PTPRM: variants seen among roughly 807,000 people sequenced by gnomAD.
The protein encoded by PTPRM is receptor-type tyrosine-protein phosphatase mu.
Under a neutral mutation model 186.7 loss-of-function variants are expected in PTPRM, and 47 were observed. The observed-to-expected ratio is 0.25, with a 90% CI of 0.20 to 0.32. The LOEUF is 0.32. Among genes scored for constraint, PTPRM ranks in the 10% least tolerant of loss-of-function variants. The pLI, the probability that PTPRM is intolerant of heterozygous loss-of-function variation, is 1.00. For missense variants in PTPRM, 1,494 were observed against 1,865.0 expected, an observed-to-expected ratio of 0.80 and a Z score of 3.66; for synonymous variants, 668 against 674.9, an observed-to-expected ratio of 0.99 and a Z score of 0.16.
intron 2 of PTPRM, among the ~76,000 whole-genome samples, chr18:7,823,392 G>A (rs1056946773): frequency 6.6e-6 from 1 of 152,212 alleles, no homozygotes; most frequent in African/African-American, 2.4e-5. Flanking sequence ...ATGGACAGGG[G>A]TGCCCAGCAG....
chr18:8,320,028 G>T (rs2148070873), intron 22 of PTPRM, among the ~76,000 whole-genome samples: 1 of 152,298 alleles, frequency 6.6e-6, no homozygotes, highest in South Asian at 2.1e-4. Flanking sequence ...GGATGAGTCA[G>T]TGAGTCAATA....
chr18:8,220,450 T>C (rs12954218), intron 14 of PTPRM, among the ~76,000 whole-genome samples: 28,478 of 152,174 alleles, frequency 0.19, 2,707 homozygotes, highest in Non-Finnish European at 0.2. Context: ...GATTCATTTT[T>C]CTTTTGCTAT....
chr18:7,603,182 C>A (rs1323030633), intron 1 of PTPRM, among the ~76,000 whole-genome samples: 4 of 152,070 alleles, frequency 2.6e-5, no homozygotes, highest in African/African-American at 9.7e-5. Flanking sequence ...CCTGCCTTGG[C>A]CTCCCAAAGT....
rs1194538620 is a variant in PTPRM at position 8,387,224 on chromosome 18, T to C, written c.4197T>C (p.Val1399=). 2 of 1,613,714 alleles carry C rather than the reference T, an allele frequency of 1.2e-6. No individual in the cohort carries two copies. The highest frequency in any genetic ancestry group is 4.5e-5 in the East Asian group (2 of 44,872). The part of the protein sequence containing the change: ...EEYNGGEGRT[V]VHCLNGGGRS... ...ACAATGGCGGGGAAGGCCGCACGGT[T>C]GTGCACTGCTTGTAAGTGCTTGACA... The change falls in exon 31 of 33, where the codon GTT becomes GTC. Residue 1399 remains valine, a synonymous_variant. Transcript: ENST00000580170.
chr18:8,296,392 C>A lies in PTPRM; in HGVS notation c.2779C>A (p.Pro927Thr). ...YESFFEGQSA[P>T]WDSAKKDENR... ...GAGCTTCTTTGAAGGGCAGTCTGCA[C>A]CATGGGACTCGGCTAAGAAAGATGA... The change falls in exon 20 of 33, where the codon CCA becomes ACA. Residue 927 changes from proline to threonine, a missense_variant. Transcript: ENST00000580170. The A allele has an allele frequency of 6.2e-7, 1 of 1,610,888 alleles. No homozygotes were observed. The highest frequency in any genetic ancestry group is 8.5e-7 in the Non-Finnish European group (1 of 1,177,116).
chr18:8,406,402 C>G lies in PTPRM; in HGVS notation c.*240C>G. On this transcript the variant is annotated 3_prime_UTR_variant, in exon 33 of 33. Transcript: ENST00000580170. ...TGCCAAATCCCGTACTCCTTGCCAC[C>G]GGCTTCCTAGAGCAGCGTAGACAGC... 1.9e-6 allele frequency: 1 copy of G among 516,750 alleles called. No homozygotes were observed. Among genetic ancestry groups the G allele is most frequent in the Non-Finnish European group, 3.4e-6 (1 of 290,204 alleles). 32.0% of individuals were successfully genotyped at this position (516,750 alleles called of 1,614,324 possible). A position where few individuals can be genotyped will look rare whatever the true frequency, so the allele number is the denominator to read the frequency against.
intron 7 of PTPRM, among the ~76,000 whole-genome samples, chr18:8,000,599 G>A (rs2083811445): frequency 6.6e-6 from 1 of 152,140 alleles, no homozygotes; most frequent in Admixed American, 6.5e-5. Context: ...CTAAAATCAA[G>A]CTGGGAATAG....
At chr18:8,273,221 C>A (rs534190317) in intron 19 of PTPRM, among the ~76,000 whole-genome samples, 4 of 152,250 alleles carry the variant, frequency 2.6e-5, no homozygotes, top group African/African-American at 9.6e-5. Flanking sequence ...ATTTCTATCA[C>A]CTTATTTTGT....
At chr18:8,029,437 C>G (rs1269219849) in intron 7 of PTPRM, among the ~76,000 whole-genome samples, 2 of 151,152 alleles carry the variant, frequency 1.3e-5, no homozygotes, top group East Asian at 2.0e-4. Context: ...GTGTCTCCCC[C>G]ACACCTGTCC....
intron 3 of PTPRM, among the ~76,000 whole-genome samples, chr18:7,889,298 A>G (rs1372020722): frequency 1.3e-5 from 2 of 148,424 alleles, no homozygotes; most frequent in South Asian, 2.1e-4. Flanking sequence ...AAGAAATGCT[A>G]TGTACGGGGT....
chr18:8,357,531 A>AG (rs534936469), intron 23 of PTPRM, among the ~76,000 whole-genome samples: 1 of 152,100 alleles, frequency 6.6e-6, no homozygotes, highest in African/African-American at 2.4e-5. Context: ...TGCAGTAGGG[A>AG]GGGGGTCCTT....
At chr18:8,295,329 G>C (rs2095085019) in intron 19 of PTPRM, among the ~76,000 whole-genome samples, 2 of 152,124 alleles carry the variant, frequency 1.3e-5, no homozygotes, top group South Asian at 4.1e-4. Flanking sequence ...TATTGTAAAT[G>C]GTGGAAATGG....
chr18:8,114,699 T>G, intron 12 of PTPRM, 92 bp from the exon 13 acceptor site: 2 of 997,046 alleles, frequency 2.0e-6, no homozygotes, highest in South Asian at 2.9e-5. Context: ...AGATCCTTCC[T>G]TATCAGTGCT....
chr18:8,329,052 G>C (rs1396412317), intron 22 of PTPRM, among the ~76,000 whole-genome samples: 1 of 152,192 alleles, frequency 6.6e-6, no homozygotes, highest in African/African-American at 2.4e-5. Context: ...TCTAATAAGA[G>C]AACCAAAATT....
At chr18:7,806,808 C>A (rs969383734) in intron 2 of PTPRM, among the ~76,000 whole-genome samples, 1 of 152,202 alleles carries the variant, frequency 6.6e-6, no homozygotes, top group African/African-American at 2.4e-5. Context: ...GGGTAATACA[C>A]CAGCTGGTAA....
intron 3 of PTPRM, among the ~76,000 whole-genome samples, chr18:7,900,143 A>G (rs1393608560): frequency 1.3e-5 from 2 of 152,224 alleles, no homozygotes; most frequent in Non-Finnish European, 2.9e-5. Context: ...GATAGTAAAT[A>G]TTTCAGGCTT....
intron 1 of PTPRM, among the ~76,000 whole-genome samples, chr18:7,764,332 A>G (rs778889650): frequency 2.0e-5 from 3 of 152,234 alleles, no homozygotes; most frequent in Non-Finnish European, 2.9e-5. Context: ...AATAATCTGC[A>G]TATGTAGAGC....
At chr18:7,783,078 A>T (rs2155524) in intron 2 of PTPRM, among the ~76,000 whole-genome samples, 77,502 of 152,046 alleles carry the variant, frequency 0.51, 20,439 homozygotes, top group East Asian at 0.86. Context: ...ATTGTACAAG[A>T]TGACATCATA....
At chr18:8,067,980 T>G (rs1006319636) in intron 7 of PTPRM, among the ~76,000 whole-genome samples, 1 of 152,228 alleles carries the variant, frequency 6.6e-6, no homozygotes, top group Admixed American at 6.5e-5. Context: ...TCTTCTTATT[T>G]GATTCTCTTT....
Sources: gnomAD v4.1 joint callset for allele counts (sites outside exome capture counted in the v4.1 genomes callset) on GRCh38, gnomAD v4.1.1 for gene constraint, MANE v1.5 for transcripts, NCBI Gene and HGNC (gene_info 2026-07-23, HGNC 2026-07-21) for gene names.